Variants in ADRA1B observed in about 807,000 individuals in gnomAD.
The protein encoded by ADRA1B is adrenoceptor alpha 1B, also known as alpha-1B adrenergic receptor.
A neutral mutation model predicts 17.9 loss-of-function variants in ADRA1B; 17 were observed. That is an observed-to-expected ratio of 0.95 (90% CI 0.65 to 1.42). The LOEUF is 1.42. Ranked by LOEUF, ADRA1B falls within the 40% of genes most tolerant of loss-of-function variation. The pLI, the probability that ADRA1B is intolerant of heterozygous loss-of-function variation, is 0.00. For synonymous variants in ADRA1B, 366 were observed against 327.6 expected (o/e 1.12, Z -1.27); for missense variants, 681 against 722.1 (o/e 0.94, Z 0.65).
At position 159,917,298 on chromosome 5, in the gene ADRA1B, G is replaced by C; in HGVS notation, c.393G>C (p.Ala131=). The change falls in exon 1 of 2, where the codon GCG becomes GCC. Residue 131 remains alanine, a synonymous_variant. Coordinates refer to ENST00000306675, the MANE Select transcript of ADRA1B (RefSeq NM_000679.4). The part of the protein sequence containing the change: ...WAAVDVLCCT[A]SILSLCAISI... The stretch of plus-strand genomic sequence containing the variant: ...CCGTGGATGTCCTGTGCTGCACAGC[G>C]TCCATTCTGAGCCTGTGCGCCATCT... 1 of 1,614,026 alleles carries C rather than the reference G, an allele frequency of 6.2e-7. No individual in the cohort carries two copies. The highest frequency in any genetic ancestry group is 2.2e-5 in the East Asian group (1 of 44,872).
At chr5:159,959,277 T>C (rs541614186) in intron 1 of ADRA1B, among the ~76,000 whole-genome samples, 1 of 152,272 alleles carries the variant, frequency 6.6e-6, no homozygotes, top group African/African-American at 2.4e-5. Flanking sequence ...ATGAATGTCA[T>C]TTAGGTAAGT....
the ADRA1B span, among the ~76,000 whole-genome samples, chr5:159,988,589 G>A: frequency 1.3e-5 from 2 of 152,216 alleles, no homozygotes; most frequent in African/African-American, 4.8e-5. Flanking sequence ...CACTACAGAA[G>A]TAGATTTACT....
intron 1 of ADRA1B, among the ~76,000 whole-genome samples, chr5:159,883,131 CT>C (rs1336529575): frequency 2.0e-5 from 3 of 152,198 alleles, no homozygotes; most frequent in African/African-American, 4.8e-5. Context: ...CAAGCAAGCT[CT>C]CTATCTCACA....
intron 1 of ADRA1B, chr5:159,951,316 C>G: frequency 7.5e-7 from 1 of 1,337,124 alleles, no homozygotes; most frequent in Non-Finnish European, 1.1e-6. Context: ...CCTTTCTCAG[C>G]CTTGACAGTG....
chr5:159,878,151 G>A (rs149536578), intron 1 of ADRA1B, among the ~76,000 whole-genome samples: 2 of 152,212 alleles, frequency 1.3e-5, no homozygotes, highest in African/African-American at 2.4e-5. Context: ...GGGACGCCAG[G>A]CCCAGCAGTC....
chr5:159,965,061 C>T (rs1755749762), intron 1 of ADRA1B, among the ~76,000 whole-genome samples: 1 of 152,088 alleles, frequency 6.6e-6, no homozygotes, highest in African/African-American at 2.4e-5. Flanking sequence ...GAACCCAGAT[C>T]TACCTACCTG....
At chr5:159,898,051 C>T (rs1353602523) in intron 1 of ADRA1B, among the ~76,000 whole-genome samples, 1 of 152,352 alleles carries the variant, frequency 6.6e-6, no homozygotes, top group East Asian at 1.9e-4. Context: ...CCTCTCCTCA[C>T]CCTGCCCAGC....
At chr5:159,955,767 G>T (rs1755540388) in intron 1 of ADRA1B, among the ~76,000 whole-genome samples, 1 of 152,138 alleles carries the variant, frequency 6.6e-6, no homozygotes, top group African/African-American at 2.4e-5. Flanking sequence ...AGGGGGCCCT[G>T]GTAGCTAATG....
At chr5:159,902,949 G>A (rs1388747298) in intron 1 of ADRA1B, among the ~76,000 whole-genome samples, 2 of 152,112 alleles carry the variant, frequency 1.3e-5, no homozygotes, top group Non-Finnish European at 1.5e-5. Flanking sequence ...AGACACTGTC[G>A]CTCTCGGACA....
At chr5:159,886,394 G>T (rs1280904214) in intron 1 of ADRA1B, among the ~76,000 whole-genome samples, 2 of 152,180 alleles carry the variant, frequency 1.3e-5, no homozygotes, top group African/African-American at 4.8e-5. Context: ...CATGACAGGA[G>T]CAAGATCCTT....
chr5:159,874,799 T>C (rs1378260339), intron 1 of ADRA1B, among the ~76,000 whole-genome samples: 1 of 152,136 alleles, frequency 6.6e-6, no homozygotes, highest in East Asian at 1.9e-4. Flanking sequence ...CTAACAAAGG[T>C]CTAAAATGTC....
At chr5:159,945,474 T>C (rs1490396093) in intron 1 of ADRA1B, among the ~76,000 whole-genome samples, 1 of 152,118 alleles carries the variant, frequency 6.6e-6, no homozygotes, top group African/African-American at 2.4e-5. Flanking sequence ...GGGAAAGCAT[T>C]CCAGGCAGCA....
chr5:159,961,911 C>A (rs949244972), intron 1 of ADRA1B, among the ~76,000 whole-genome samples: 1 of 152,208 alleles, frequency 6.6e-6, no homozygotes, highest in African/African-American at 2.4e-5. Flanking sequence ...TGCCTCATTT[C>A]TTCAGCCAAT....
downstream of ADRA1B, among the ~76,000 whole-genome samples, chr5:159,973,110 C>G (rs1755918687): frequency 6.6e-6 from 1 of 152,184 alleles, no homozygotes; most frequent in Non-Finnish European, 1.5e-5. Flanking sequence ...TAGGGTCCTT[C>G]GCTTTCCATT....
rs1755876180 is a variant in ADRA1B, at chr5:159,971,929, T to C, written c.1000T>C (p.Phe334Leu). 2 of 1,254,062 alleles carry C rather than the reference T, an allele frequency of 1.6e-6. No homozygotes were observed. The highest frequency in any genetic ancestry group is 1.0e-6 in the Non-Finnish European group (1 of 976,966). The allele number at this position is 1,254,062 out of a possible 1,614,324, so 77.7% of individuals were successfully genotyped here. ...CCCCGACGCCGTGTTCAAGGTGGTGTTCTGGCTGGGCTACTTCAACAGCTG... is the reference window on the plus strand; with the variant it reads ...CCCCGACGCCGTGTTCAAGGTGGTGCTCTGGCTGGGCTACTTCAACAGCTG... The part of the protein sequence containing the change: ...KPPDAVFKVV[F>L]WLGYFNSCLN... The change falls in exon 2 of 2, where the codon TTC becomes CTC. Residue 334 changes from phenylalanine to leucine, a missense_variant. Physicochemically the swap from Phe to Leu is conservative, Grantham distance 22. This residue lies in a region of ADRA1B where 424 missense variants were observed against 480.2 expected (regional missense o/e 0.88). Transcript: ENST00000306675.
At chr5:159,941,602 A>C (rs986698880) in intron 1 of ADRA1B, among the ~76,000 whole-genome samples, 1 of 152,236 alleles carries the variant, frequency 6.6e-6, no homozygotes, top group Non-Finnish European at 1.5e-5. Context: ...ATTATTCATA[A>C]TGGCCGAAAG....
At chr5:159,890,725 T>C (rs1753974460) in intron 1 of ADRA1B, among the ~76,000 whole-genome samples, 1 of 152,232 alleles carries the variant, frequency 6.6e-6, no homozygotes, top group Admixed American at 6.5e-5. Flanking sequence ...TTCTACAGTC[T>C]AACCTGGGAA....
chr5:159,961,331 A>G (rs957502972), intron 1 of ADRA1B, among the ~76,000 whole-genome samples: 2 of 152,024 alleles, frequency 1.3e-5, no homozygotes, highest in Non-Finnish European at 2.9e-5. Flanking sequence ...CTGGTTTTGG[A>G]ATGGAGTTGT....
intron 1 of ADRA1B, among the ~76,000 whole-genome samples, chr5:159,926,780 G>T (rs1026911198): frequency 1.7e-4 from 26 of 152,104 alleles, no homozygotes; most frequent in Admixed American, 1.7e-3. Flanking sequence ...CCAGCTACTT[G>T]GGAGGCTGAG....
Sources: gnomAD v4.1 joint callset for allele counts (sites outside exome capture counted in the v4.1 genomes callset) on GRCh38, gnomAD v4.1.1 for gene constraint, gnomAD v4.1.1 regional missense constraint, MANE v1.5 for transcripts, NCBI Gene and HGNC (gene_info 2026-07-23, HGNC 2026-07-21) for gene names.